Variants in TEAD1 observed in about 807,000 individuals in gnomAD.
TEAD1 encodes transcriptional enhancer factor TEF-1.
Under a neutral mutation model 54.9 loss-of-function variants are expected in TEAD1, and 9 were observed. The ratio of observed to expected loss-of-function variants is 0.16; its 90% CI spans 0.10 to 0.29. The LOEUF (loss-of-function observed/expected upper bound fraction) is 0.29, where lower values mean the gene tolerates loss of function less well. TEAD1 is among the 10% of genes least tolerant of loss of function. TEAD1 has a pLI of 1.00. For synonymous variants in TEAD1, 200 were observed against 187.8 expected (o/e 1.07, Z -0.53); for missense variants, 387 against 535.9 (o/e 0.72, Z 2.74).
At chr11:12,880,502 G>A (rs560331436) in intron 6 of TEAD1, among the ~76,000 whole-genome samples, 82 of 152,266 alleles carry the variant, frequency 5.4e-4, no homozygotes, top group African/African-American at 1.9e-3. Context: ...TCTATGTCAT[G>A]CCCCCTTTCC....
chr11:12,839,119 A>T (rs1946970717), intron 3 of TEAD1, among the ~76,000 whole-genome samples: 1 of 152,166 alleles, frequency 6.6e-6, no homozygotes, highest in South Asian at 2.1e-4. Context: ...TATTAAAAAA[A>T]AAAACTGGGA....
chr11:12,758,332 C>T (rs1945027074), intron 2 of TEAD1, among the ~76,000 whole-genome samples: 1 of 150,996 alleles, frequency 6.6e-6, no homozygotes, highest in Non-Finnish European at 1.5e-5. Context: ...CCTCCGCCTC[C>T]TGGGTTTGAG....
chr11:12,824,852 C>G (rs947577697), intron 3 of TEAD1, among the ~76,000 whole-genome samples: 1 of 152,184 alleles, frequency 6.6e-6, no homozygotes, highest in Non-Finnish European at 1.5e-5. Context: ...TGCAGTCTCT[C>G]CCGGACTGTT....
chr11:12,729,804 A>G (rs1944383924), intron 2 of TEAD1, among the ~76,000 whole-genome samples: 2 of 152,220 alleles, frequency 1.3e-5, no homozygotes, highest in South Asian at 2.1e-4. Flanking sequence ...TGCCCTCACG[A>G]TAGAGAATGC....
At chr11:12,767,680 TTA>T (rs1406299374) in intron 3 of TEAD1, among the ~76,000 whole-genome samples, 2 of 152,084 alleles carry the variant, frequency 1.3e-5, no homozygotes, top group Non-Finnish European at 2.9e-5. Flanking sequence ...AGCTGAGACT[TTA>T]TGTGTTTGGG....
intron 3 of TEAD1, among the ~76,000 whole-genome samples, chr11:12,806,611 A>G (rs560948984): frequency 9.7e-4 from 148 of 152,330 alleles, no homozygotes; most frequent in Admixed American, 3.4e-3. Context: ...GCCGAGGTCT[A>G]AGGACTGTAC....
chr11:12,922,522 C>T (rs1299741570), intron 10 of TEAD1: 1 of 152,070 alleles, frequency 6.6e-6, no homozygotes, highest in Non-Finnish European at 1.5e-5. Context: ...GGACATTTTC[C>T]TAATAACCAA....
chr11:12,816,932 G>A (rs1946427868), intron 3 of TEAD1, among the ~76,000 whole-genome samples: 1 of 152,206 alleles, frequency 6.6e-6, no homozygotes. Context: ...AGGGCAGCAT[G>A]TGCAGAGGCC....
At chr11:12,751,296 A>C (rs1944864084) in intron 2 of TEAD1, among the ~76,000 whole-genome samples, 2 of 152,136 alleles carry the variant, frequency 1.3e-5, no homozygotes, top group South Asian at 4.1e-4. Flanking sequence ...AAAAAAAAAA[A>C]AAAAAAAGGA....
Position 12,863,501 on chromosome 11 carries a change from G to GA in TEAD1, c.267+1196dup, listed in dbSNP as rs200113652. On this transcript the variant is annotated intron_variant, in intron 4 of 12. Transcript: ENST00000527636. The stretch of plus-strand genomic sequence containing the variant: ...TTAAGAAAAGTACCAAAGCAAATTG[G>GA]AAAAAAAAATAATTGAATAATTGAA... Among the ~76,000 whole-genome samples the GA allele has an allele frequency of 1.0e-2, 1,502 of 150,434 alleles. 24 individuals are homozygous for GA. The highest frequency in any genetic ancestry group is 0.035 in the African/African-American group (1,418 of 40,982).
chr11:12,704,409 G>C (rs974344063), intron 2 of TEAD1, among the ~76,000 whole-genome samples: 1 of 152,242 alleles, frequency 6.6e-6, no homozygotes, highest in Admixed American at 6.5e-5. Flanking sequence ...TTCTGTCTCA[G>C]CCACTTGCAG....
intron 3 of TEAD1, among the ~76,000 whole-genome samples, chr11:12,809,314 A>T (rs1946242802): frequency 1.3e-5 from 2 of 152,160 alleles, no homozygotes; most frequent in Admixed American, 1.3e-4. Context: ...TTACACAGTG[A>T]TAGAGCCTTT....
At chr11:12,920,785 T>C (rs1046104862) in intron 10 of TEAD1, among the ~76,000 whole-genome samples, 35 of 152,224 alleles carry the variant, frequency 2.3e-4, no homozygotes, top group African/African-American at 7.7e-4. Flanking sequence ...AGAAAAATAA[T>C]TTCTAATGCA....
chr11:12,878,499 G>A (rs1947901433), intron 5 of TEAD1, among the ~76,000 whole-genome samples: 1 of 151,912 alleles, frequency 6.6e-6, no homozygotes. Context: ...ACCCTCTATT[G>A]GCACCGGTAG....
At chr11:12,682,214 T>C (rs911155925) in intron 2 of TEAD1, among the ~76,000 whole-genome samples, 2 of 152,238 alleles carry the variant, frequency 1.3e-5, no homozygotes, top group African/African-American at 4.8e-5. Context: ...CCTAGGAACA[T>C]AGGCTGAATC....
At chr11:12,906,965 T>C (rs978864853) in intron 10 of TEAD1, among the ~76,000 whole-genome samples, 1 of 152,240 alleles carries the variant, frequency 6.6e-6, no homozygotes. Flanking sequence ...ATCGAGTCTT[T>C]GTAGACAAGT....
chr11:12,854,251 T>C (rs1477745169), intron 3 of TEAD1, among the ~76,000 whole-genome samples: 1 of 152,098 alleles, frequency 6.6e-6, no homozygotes, highest in African/African-American at 2.4e-5. Context: ...GTGCCCCTTC[T>C]CCCTCCCTGG....
At chr11:12,886,489 A>G (rs1230002851) in intron 9 of TEAD1, among the ~76,000 whole-genome samples, 1 of 152,202 alleles carries the variant, frequency 6.6e-6, no homozygotes, top group Non-Finnish European at 1.5e-5. Flanking sequence ...AGCACCTACT[A>G]CACGCCAGCC....
At chr11:12,729,479 T>G (rs1944377767) in intron 2 of TEAD1, among the ~76,000 whole-genome samples, 1 of 152,210 alleles carries the variant, frequency 6.6e-6, no homozygotes, top group South Asian at 2.1e-4. Context: ...AGATCATCAG[T>G]AAGTCTGTAA....
Sources: allele counts gnomAD v4.1 joint callset (sites outside exome capture counted in the v4.1 genomes callset), GRCh38; gene constraint gnomAD v4.1.1; transcripts MANE v1.5; gene names NCBI Gene and HGNC (gene_info 2026-07-23, HGNC 2026-07-21).